Variants in ULK4 observed in about 807,000 individuals in gnomAD.
ULK4 encodes unc-51 like kinase 4.
In ULK4, 133 loss-of-function variants were observed where a neutral mutation model predicts 160.6. The observed-to-expected ratio is 0.83, with a 90% CI of 0.72 to 0.96. ULK4 has a LOEUF of 0.96. Among genes scored for constraint, ULK4 ranks in the 40% least tolerant of loss-of-function variants. The pLI, the probability that ULK4 is intolerant of heterozygous loss-of-function variation, is 0.00. For synonymous variants in ULK4, 534 were observed against 539.8 expected (o/e 0.99, Z 0.15); for missense variants, 1,580 against 1,499.5 (o/e 1.05, Z -0.89).
chr3:41,629,357 C>G (rs2033657211), intron 30 of ULK4, among the ~76,000 whole-genome samples: 1 of 152,158 alleles, frequency 6.6e-6, no homozygotes, highest in Non-Finnish European at 1.5e-5. Flanking sequence ...ACTGGAGCAT[C>G]TATCTATAGC....
At chr3:41,579,219 T>C (rs964021197) in intron 31 of ULK4, among the ~76,000 whole-genome samples, 1 of 152,166 alleles carries the variant, frequency 6.6e-6, no homozygotes, top group African/African-American at 2.4e-5. Flanking sequence ...TAAGGGTTTA[T>C]ATGTCGAAAT....
intron 22 of ULK4, among the ~76,000 whole-genome samples, chr3:41,720,537 A>G (rs1256270354): frequency 1.3e-5 from 2 of 152,194 alleles, no homozygotes; most frequent in South Asian, 2.1e-4. Flanking sequence ...ACACACATGC[A>G]TGTGCCCCCA....
At chr3:41,412,102 G>A (rs2082420928) in intron 34 of ULK4, among the ~76,000 whole-genome samples, 1 of 152,154 alleles carries the variant, frequency 6.6e-6, no homozygotes, top group African/African-American at 2.4e-5. Flanking sequence ...TAACAAAGTT[G>A]CAGGATTCAA....
chr3:41,247,360 A>C (rs995964733), intron 36 of ULK4, among the ~76,000 whole-genome samples: 3 of 151,910 alleles, frequency 2.0e-5, no homozygotes, highest in Admixed American at 6.6e-5. Flanking sequence ...CCACACACTG[A>C]CCCTCCCTGC....
intron 12 of ULK4, 117 bp from the exon 13 acceptor site, chr3:41,900,946 C>T (rs1328609488): frequency 1.6e-6 from 1 of 637,736 alleles, no homozygotes; most frequent in African/African-American, 1.8e-5. Context: ...TATCAATGTA[C>T]TTCAACTGCT....
At chr3:41,579,358 T>A (rs1028899727) in intron 31 of ULK4, among the ~76,000 whole-genome samples, 1 of 152,100 alleles carries the variant, frequency 6.6e-6, no homozygotes, top group African/African-American at 2.4e-5. Flanking sequence ...GAGGAACAGA[T>A]GGCTTTACCC....
intron 22 of ULK4, among the ~76,000 whole-genome samples, chr3:41,722,599 C>T (rs1192908513): frequency 6.6e-6 from 1 of 151,882 alleles, no homozygotes; most frequent in Non-Finnish European, 1.5e-5. Flanking sequence ...CCACTGCACT[C>T]CAGCCTGGGC....
chr3:41,431,547 C>CCTT (rs563543377), intron 34 of ULK4, among the ~76,000 whole-genome samples: 18 of 95,864 alleles, frequency 1.9e-4, no homozygotes, highest in South Asian at 7.6e-4. Flanking sequence ...AATTCCCTCC[C>CCTT]TTTTTTTTTT....
At chr3:41,273,956 G>T (rs2079184616) in intron 35 of ULK4, among the ~76,000 whole-genome samples, 1 of 152,014 alleles carries the variant, frequency 6.6e-6, no homozygotes, top group African/African-American at 2.4e-5. Context: ...CCATGCCCTT[G>T]AACTACCTTA....
At chr3:41,629,365 A>G (rs575053122) in intron 30 of ULK4, among the ~76,000 whole-genome samples, 48 of 152,318 alleles carry the variant, frequency 3.2e-4, no homozygotes, top group Non-Finnish European at 6.2e-4. Context: ...ATCTATCTAT[A>G]GCTGCATTCT....
chr3:41,700,166 A>C (rs1398702879), intron 27 of ULK4, among the ~76,000 whole-genome samples: 6 of 152,190 alleles, frequency 3.9e-5, no homozygotes, highest in Non-Finnish European at 7.3e-5. Context: ...ATAAAATATA[A>C]AGACCCTAAA....
chr3:41,255,718 T>C (rs1013968855), intron 35 of ULK4, among the ~76,000 whole-genome samples: 2 of 152,140 alleles, frequency 1.3e-5, no homozygotes, highest in Non-Finnish European at 2.9e-5. Context: ...CCTCAAAATA[T>C]ATAAAACAAA....
chr3:41,946,971 C>T (rs1057210330), intron 2 of ULK4, among the ~76,000 whole-genome samples: 2 of 146,714 alleles, frequency 1.4e-5, no homozygotes, highest in Non-Finnish European at 3.1e-5. Flanking sequence ...AATATGATCA[C>T]AGAAGGGGAT....
At chr3:41,315,098 G>A (rs2080122048) in intron 35 of ULK4, among the ~76,000 whole-genome samples, 1 of 151,936 alleles carries the variant, frequency 6.6e-6, no homozygotes, top group African/African-American at 2.4e-5. Context: ...AGAAAAATTG[G>A]GAACAAGAGT....
chr3:41,591,948 G>A (rs1161407651), intron 31 of ULK4, among the ~76,000 whole-genome samples: 1 of 152,196 alleles, frequency 6.6e-6, no homozygotes, highest in Non-Finnish European at 1.5e-5. Context: ...CATGACGGAT[G>A]GCAGGCAGGA....
intron 32 of ULK4, among the ~76,000 whole-genome samples, chr3:41,543,981 A>G (rs1025590641): frequency 6.6e-6 from 1 of 152,132 alleles, no homozygotes; most frequent in Admixed American, 6.6e-5. Flanking sequence ...GCACATACTT[A>G]TAATAATTGA....
At chr3:41,475,527 T>C (rs1225319077) in intron 32 of ULK4, among the ~76,000 whole-genome samples, 1 of 152,228 alleles carries the variant, frequency 6.6e-6, no homozygotes, top group Non-Finnish European at 1.5e-5. Context: ...ATCATGAACA[T>C]TTTAACTGCT....
chr3:41,406,239 GCTTA>G (rs1393740743), intron 34 of ULK4, among the ~76,000 whole-genome samples: 1 of 152,140 alleles, frequency 6.6e-6, no homozygotes, highest in Non-Finnish European at 1.5e-5. Context: ...TTTCCCTGTT[GCTTA>G]CTTTTGTTGA....
At chr3:41,956,713 TCATGAATACTAC>T (rs2148848029) in intron 1 of ULK4, among the ~76,000 whole-genome samples, 2 of 152,320 alleles carry the variant, frequency 1.3e-5, no homozygotes, top group South Asian at 4.1e-4. Context: ...AATCCAAGTA[TCATGAATACTAC>T]TGGCTCATAG....
Sources: gnomAD v4.1 joint callset for allele counts (sites outside exome capture counted in the v4.1 genomes callset) on GRCh38, gnomAD v4.1.1 for gene constraint, MANE v1.5 for transcripts, NCBI Gene and HGNC (gene_info 2026-07-23, HGNC 2026-07-21) for gene names.